Variants in DLG2 observed in about 807,000 individuals in gnomAD.
DLG2 encodes discs large MAGUK scaffold protein 2.
Under a neutral mutation model 132.5 loss-of-function variants are expected in DLG2, and 45 were observed. The observed-to-expected ratio is 0.34, with a 90% CI of 0.27 to 0.44. The LOEUF (loss-of-function observed/expected upper bound fraction) is 0.44. Among genes scored for constraint, DLG2 ranks in the 20% least tolerant of loss-of-function variants. The pLI is 1.00. For synonymous variants in DLG2, 424 were observed against 419.6 expected, an observed-to-expected ratio of 1.01 and a Z score of -0.13; for missense variants, 1,045 against 1,196.9, an observed-to-expected ratio of 0.87 and a Z score of 1.87.
Position 83,471,721 on chromosome 11 carries a change from T to C in DLG2, c.2351A>G (p.Tyr784Cys). 6.2e-7 allele frequency: 1 copy of C among 1,612,480 alleles called. No individual in the cohort carries two copies. The change falls in exon 24 of 28, where the codon TAC (tyrosine) becomes TGC (cysteine). Residue 784 changes from tyrosine to cysteine, a missense_variant. By Grantham distance (194) the Tyr-to-Cys change is radical. Transcript: ENST00000376104. ...YEPVTRQEINYTRPVIILGPM... is the reference protein window; with the variant it reads ...YEPVTRQEINCTRPVIILGPM... Reference sequence around the variant, plus strand: ...CCCCAGGATAATCACCGGCCGGGTGTAGTTTACTGCAGAATGGGAAAGGAA... The same window carrying C: ...CCCCAGGATAATCACCGGCCGGGTGCAGTTTACTGCAGAATGGGAAAGGAA...
chr11:85,525,802 A>G (rs2074696722), intron 3 of DLG2, among the ~76,000 whole-genome samples: 1 of 152,180 alleles, frequency 6.6e-6, no homozygotes, highest in Non-Finnish European at 1.5e-5. Flanking sequence ...TCTCTCTGAG[A>G]AGATGAAGCT....
chr11:83,963,758 A>T (rs967357866), intron 13 of DLG2, among the ~76,000 whole-genome samples: 1 of 151,936 alleles, frequency 6.6e-6, no homozygotes, highest in Non-Finnish European at 1.5e-5. Flanking sequence ...ATATCCTATC[A>T]TCCGCAAACA....
intron 4 of DLG2, among the ~76,000 whole-genome samples, chr11:85,243,601 A>G (rs1300969325): frequency 6.6e-6 from 1 of 151,992 alleles, no homozygotes; most frequent in Non-Finnish European, 1.5e-5. Flanking sequence ...AAGGGTTCAA[A>G]GCAGCAGTTG....
chr11:83,956,553 C>T (rs1223226151), intron 14 of DLG2, among the ~76,000 whole-genome samples: 1 of 152,234 alleles, frequency 6.6e-6, no homozygotes, highest in East Asian at 1.9e-4. Context: ...CTCACTCACT[C>T]ACATGCCCCC....
chr11:84,367,653 G>A (rs1248441561), intron 7 of DLG2, among the ~76,000 whole-genome samples: 1 of 152,026 alleles, frequency 6.6e-6, no homozygotes, highest in Admixed American at 6.6e-5. Flanking sequence ...TTTATCACAA[G>A]ATGAGTCTGT....
At chr11:83,732,081 G>A (rs1205569572) in intron 18 of DLG2, among the ~76,000 whole-genome samples, 1 of 152,114 alleles carries the variant, frequency 6.6e-6, no homozygotes, top group Non-Finnish European at 1.5e-5. Context: ...TGTCAGAAGA[G>A]ACTGACTGAA....
At chr11:85,157,932 G>T (rs115026467) in intron 4 of DLG2, among the ~76,000 whole-genome samples, 8,646 of 151,928 alleles carry the variant, frequency 0.057, 363 homozygotes, top group African/African-American at 0.11. Flanking sequence ...CCTTTCCACC[G>T]TTGTCTGAGG....
At chr11:85,006,573 T>C (rs963781169) in intron 6 of DLG2, among the ~76,000 whole-genome samples, 3 of 152,194 alleles carry the variant, frequency 2.0e-5, no homozygotes, top group Admixed American at 2.0e-4. Flanking sequence ...AGTGGTGATG[T>C]CCCCATTGTC....
intron 18 of DLG2, among the ~76,000 whole-genome samples, chr11:83,738,316 T>A (rs893221867): frequency 6.6e-6 from 1 of 152,108 alleles, no homozygotes; most frequent in Non-Finnish European, 1.5e-5. Context: ...GATAATATGA[T>A]GTGCAGTACA....
At chr11:83,833,864 C>T (rs1409763711) in intron 16 of DLG2, 94 bp from the exon 17 acceptor site, 1 of 1,268,630 alleles carries the variant, frequency 7.9e-7, no homozygotes, top group Non-Finnish European at 1.1e-6. Context: ...ATCAGCAACT[C>T]ACTACTTGTA....
intron 7 of DLG2, among the ~76,000 whole-genome samples, chr11:84,321,148 T>TA (rs1163556541): frequency 2.6e-5 from 4 of 152,182 alleles, no homozygotes; most frequent in African/African-American, 9.7e-5. Context: ...CCTTGGCAAA[T>TA]TAAGTCATGC....
At chr11:85,424,394 T>C (rs1314027302) in intron 3 of DLG2, among the ~76,000 whole-genome samples, 1 of 152,134 alleles carries the variant, frequency 6.6e-6, no homozygotes, top group Non-Finnish European at 1.5e-5. Context: ...TGCTGCTCTG[T>C]CCATCCAAGT....
At chr11:83,473,904 C>A (rs1300125473) in intron 22 of DLG2, among the ~76,000 whole-genome samples, 1 of 152,016 alleles carries the variant, frequency 6.6e-6, no homozygotes, top group African/African-American at 2.4e-5. Context: ...GGAAATTGAG[C>A]AATATGTGGG....
At chr11:84,604,805 G>A (rs2099582552) in intron 6 of DLG2, among the ~76,000 whole-genome samples, 1 of 151,852 alleles carries the variant, frequency 6.6e-6, no homozygotes, top group South Asian at 2.1e-4. Flanking sequence ...AATAATGTTT[G>A]TGATAATCTC....
chr11:84,461,452 A>T (rs1302091591), intron 7 of DLG2, among the ~76,000 whole-genome samples: 3 of 151,032 alleles, frequency 2.0e-5, no homozygotes, highest in Non-Finnish European at 4.5e-5. Context: ...TAGTGTGAAA[A>T]ATATGTTCTT....
intron 9 of DLG2, among the ~76,000 whole-genome samples, chr11:84,144,275 T>G (rs1339133319): frequency 6.6e-6 from 1 of 152,172 alleles, no homozygotes. Context: ...GCCTGTTTTC[T>G]TACCTTCATT....
intron 8 of DLG2, among the ~76,000 whole-genome samples, chr11:84,171,934 C>T (rs906053192): frequency 3.9e-5 from 6 of 152,144 alleles, no homozygotes; most frequent in Non-Finnish European, 5.9e-5. Context: ...AGACTATCTT[C>T]ACTAAAGATA....
At chr11:84,729,240 T>C (rs1042321406) in intron 6 of DLG2, among the ~76,000 whole-genome samples, 1 of 152,220 alleles carries the variant, frequency 6.6e-6, no homozygotes, top group Non-Finnish European at 1.5e-5. Context: ...TGTTTCCCTC[T>C]ACACACTGCT....
At chr11:84,697,334 G>A (rs926483558) in intron 6 of DLG2, among the ~76,000 whole-genome samples, 4 of 151,392 alleles carry the variant, frequency 2.6e-5, no homozygotes, top group Non-Finnish European at 5.9e-5. Flanking sequence ...CATCCTAGCC[G>A]AATTAGTATC....
Sources: gnomAD v4.1 joint callset for allele counts (sites outside exome capture counted in the v4.1 genomes callset) on GRCh38, gnomAD v4.1.1 for gene constraint, MANE v1.5 for transcripts, NCBI Gene and HGNC (gene_info 2026-07-23, HGNC 2026-07-21) for gene names.